The following FTO variants were observed in gnomAD, a reference collection of about 807,000 sequenced individuals.
FTO encodes alpha-ketoglutarate-dependent dioxygenase FTO.
Under a neutral mutation model 63.9 loss-of-function variants are expected in FTO, and 47 were observed. The ratio of observed to expected loss-of-function variants is 0.74; its 90% confidence interval spans 0.58 to 0.94. FTO has a LOEUF of 0.94. Among genes scored for constraint, FTO ranks in the 40% least tolerant of loss-of-function variants. The pLI is 0.00. For synonymous variants in FTO, 207 were observed against 224.4 expected (o/e 0.92, Z 0.69); for missense variants, 562 against 618.1 (o/e 0.91, Z 0.96).
At chr16:53,730,172 C>T (rs2076240486) in intron 1 of FTO, among the ~76,000 whole-genome samples, 1 of 151,932 alleles carries the variant, frequency 6.6e-6, no homozygotes, top group Admixed American at 6.6e-5. Flanking sequence ...TTCCTTAGGC[C>T]TAATTTAAAT....
intron 1 of FTO, among the ~76,000 whole-genome samples, chr16:53,754,028 G>T (rs758742877): frequency 6.6e-6 from 1 of 152,176 alleles, no homozygotes; most frequent in East Asian, 1.9e-4. Flanking sequence ...AGAGAACGGG[G>T]TTTGGAGGTG....
At chr16:53,891,346 C>A (rs1254759435) in intron 7 of FTO, among the ~76,000 whole-genome samples, 1 of 147,340 alleles carries the variant, frequency 6.8e-6, no homozygotes, top group Admixed American at 6.8e-5. Context: ...TGTTCAAGAG[C>A]TTTTTTTTTT....
intron 8 of FTO, among the ~76,000 whole-genome samples, chr16:53,987,625 C>T (rs1364353363): frequency 6.6e-6 from 1 of 151,050 alleles, no homozygotes; most frequent in East Asian, 1.9e-4. Flanking sequence ...GACAGTATGG[C>T]TTCCCCCCAT....
At chr16:54,108,589 C>T (rs553757500) in intron 8 of FTO, among the ~76,000 whole-genome samples, 3 of 152,178 alleles carry the variant, frequency 2.0e-5, no homozygotes, top group African/African-American at 7.2e-5. Flanking sequence ...ACAGGCAACT[C>T]TCTCATTGGC....
intron 2 of FTO, among the ~76,000 whole-genome samples, chr16:53,822,476 T>C (rs1037731875): frequency 2.6e-5 from 4 of 152,134 alleles, no homozygotes; most frequent in African/African-American, 7.2e-5. Context: ...TTTAGTGTTT[T>C]TTGATTTCCG....
At chr16:54,083,649 C>T (rs2086199008) in intron 8 of FTO, among the ~76,000 whole-genome samples, 3 of 152,038 alleles carry the variant, frequency 2.0e-5, no homozygotes, top group Admixed American at 2.0e-4. Context: ...GCCTCGAGTC[C>T]CATTTTTACA....
At chr16:53,984,836 A>T (rs1384825959) in intron 8 of FTO, 1 of 428,338 alleles carries the variant, frequency 2.3e-6, no homozygotes, top group Admixed American at 2.9e-5. Flanking sequence ...TTTAATATTG[A>T]TTCTTTTGGT....
At chr16:53,936,928 G>A (rs563039042) in intron 8 of FTO, among the ~76,000 whole-genome samples, 201 of 152,274 alleles carry the variant, frequency 1.3e-3, no homozygotes, top group Non-Finnish European at 2.1e-3. Flanking sequence ...GTTCATTTGC[G>A]ATCATATTAG....
chr16:54,041,515 A>G (rs1438667923), intron 8 of FTO, among the ~76,000 whole-genome samples: 2 of 152,270 alleles, frequency 1.3e-5, no homozygotes, highest in Non-Finnish European at 2.9e-5. Context: ...AAAGAAATAC[A>G]TGGCTATGAG....
chr16:54,077,800 G>A (rs983697866), intron 8 of FTO, among the ~76,000 whole-genome samples: 1 of 152,222 alleles, frequency 6.6e-6, no homozygotes, highest in African/African-American at 2.4e-5. Context: ...CTGGAGGCCA[G>A]AATGGCAGGC....
chr16:53,829,107 G>C (rs2079081786), intron 3 of FTO, among the ~76,000 whole-genome samples: 1 of 152,248 alleles, frequency 6.6e-6, no homozygotes, highest in South Asian at 2.1e-4. Context: ...AGCCAGGCTG[G>C]TCTCAAACTC....
chr16:53,917,851 T>A (rs993690650), intron 7 of FTO, among the ~76,000 whole-genome samples: 3 of 152,050 alleles, frequency 2.0e-5, no homozygotes, highest in Non-Finnish European at 4.4e-5. Context: ...AGGGACTGCA[T>A]TTGTCTTAGG....
chr16:53,988,289 G>A (rs2083720205), intron 8 of FTO, among the ~76,000 whole-genome samples: 1 of 152,128 alleles, frequency 6.6e-6, no homozygotes, highest in South Asian at 2.1e-4. Context: ...ACTACTTGGT[G>A]ACCTGTTAAA....
chr16:54,013,259 T>C, intron 8 of FTO: 1 of 159,826 alleles, frequency 6.3e-6, no homozygotes, highest in Non-Finnish European at 1.4e-5. Flanking sequence ...GCAAAAGAAC[T>C]AGACTCGTAA....
At chr16:53,750,230 TTTTTC>T (rs1247288418) in intron 1 of FTO, among the ~76,000 whole-genome samples, 1 of 152,150 alleles carries the variant, frequency 6.6e-6, no homozygotes, top group Admixed American at 6.5e-5. Context: ...TTTCTTTTTC[TTTTTC>T]TTTTCTTTTC....
intron 1 of FTO, among the ~76,000 whole-genome samples, chr16:53,731,217 A>G (rs2151511954): frequency 6.6e-6 from 1 of 152,296 alleles, no homozygotes; most frequent in African/African-American, 2.4e-5. Context: ...AAAGAGATAG[A>G]AGGAAAGGAA....
intron 7 of FTO, among the ~76,000 whole-genome samples, chr16:53,905,085 G>T (rs911848345): frequency 6.6e-6 from 1 of 151,922 alleles, no homozygotes; most frequent in South Asian, 2.1e-4. Flanking sequence ...TATTTGAGTG[G>T]GTGGACACTA....
intron 8 of FTO, among the ~76,000 whole-genome samples, chr16:54,022,888 A>G (rs1441855490): frequency 6.6e-6 from 1 of 152,238 alleles, no homozygotes; most frequent in East Asian, 1.9e-4. Context: ...ATTAAAACTT[A>G]ATTCACTTGG....
intron 8 of FTO, among the ~76,000 whole-genome samples, chr16:54,093,051 T>A (rs1216473401): frequency 6.6e-6 from 1 of 151,794 alleles, no homozygotes; most frequent in Admixed American, 6.6e-5. Context: ...ATGGTAGACT[T>A]CCTGGCATTA....
Sources: allele counts gnomAD v4.1 joint callset (sites outside exome capture counted in the v4.1 genomes callset), GRCh38; gene constraint gnomAD v4.1.1; transcripts MANE v1.5; gene names NCBI Gene and HGNC (gene_info 2026-07-23, HGNC 2026-07-21).